DGCR8: variants seen among roughly 807,000 people sequenced by gnomAD.
The protein encoded by DGCR8 is DGCR8 microprocessor complex subunit.
In DGCR8, 14 loss-of-function variants were observed where a neutral mutation model predicts 78.5. The ratio of observed to expected loss-of-function variants is 0.18; its 90% CI spans 0.12 to 0.28. DGCR8 has a LOEUF of 0.28. Ranked by LOEUF, DGCR8 falls within the 10% of genes least tolerant of loss-of-function variation. The probability of loss-of-function intolerance (pLI) is 1.00; values close to 1 mark genes in which losing one functional copy is unlikely to be tolerated. For missense variants in DGCR8, 702 were observed against 1,022.5 expected, an observed-to-expected ratio of 0.69 and a Z score of 4.28; for synonymous variants, 399 against 402.4, an observed-to-expected ratio of 0.99 and a Z score of 0.10.
intron 12 of DGCR8, chr22:20,107,623 A>T: frequency 1.8e-6 from 1 of 566,104 alleles, no homozygotes; most frequent in Non-Finnish European, 3.1e-6. Context: ...GGTGATTGGG[A>T]ACGCAGGCTG....
chr22:20,090,382 A>C (rs1402512551), intron 5 of DGCR8, 124 bp downstream of exon 5: 2 of 1,160,800 alleles, frequency 1.7e-6, no homozygotes, highest in Non-Finnish European at 2.4e-6. Flanking sequence ...GTGCACCTCC[A>C]CTGTTGGTGT....
At chr22:20,105,881 C>T (rs574035481) in intron 9 of DGCR8, among the ~76,000 whole-genome samples, 73 of 152,162 alleles carry the variant, frequency 4.8e-4, no homozygotes, top group Non-Finnish European at 4.1e-4. Context: ...GAATCAGATC[C>T]AAATAAGGTG....
intron 13 of DGCR8, among the ~76,000 whole-genome samples, chr22:20,109,658 G>C (rs757242561): frequency 4.6e-5 from 7 of 152,218 alleles, no homozygotes; most frequent in Non-Finnish European, 1.0e-4. Flanking sequence ...GGCAGCAGGT[G>C]CAGGACATAG....
intron 9 of DGCR8, among the ~76,000 whole-genome samples, chr22:20,103,569 A>G (rs1383275528): frequency 6.6e-6 from 1 of 151,930 alleles, no homozygotes; most frequent in Admixed American, 6.6e-5. Flanking sequence ...GGCATGGTAT[A>G]TGTTCCTTTT....
At chr22:20,080,492 G>A (rs2049404917) in intron 1 of DGCR8, 109 bp downstream of exon 1, 1 of 984,224 alleles carries the variant, frequency 1.0e-6, no homozygotes, top group South Asian at 4.7e-5. Flanking sequence ...GCCGCGGGCG[G>A]GGCGGGGGCG....
At position 20,087,325 on chromosome 22, in the gene DGCR8, C is replaced by T. The variant is rs772899892; in HGVS notation, c.880+4C>T. ...AAGATTAAAACAGTGCTCAAAAGTACGTGTGTGGGTCAGAAGCAGTGGGTG... is the reference window on the plus strand; with the variant it reads ...AAGATTAAAACAGTGCTCAAAAGTATGTGTGTGGGTCAGAAGCAGTGGGTG... On this transcript the variant is annotated splice_donor_region_variant and intron_variant, in intron 3 of 13. Transcript: ENST00000351989. The surrounding 1 kb of genome is among the most constrained non-coding windows in gnomAD (Gnocchi z 4.1). 1.9e-5 allele frequency: 30 copies of T among 1,598,332 alleles called. No individual in the cohort carries two copies. Among genetic ancestry groups the T allele is most frequent in the Non-Finnish European group, 2.4e-5 (28 of 1,168,636 alleles).
chr22:20,099,123 C>T (rs776820535), intron 9 of DGCR8, among the ~76,000 whole-genome samples: 16 of 152,150 alleles, frequency 1.1e-4, no homozygotes, highest in South Asian at 4.1e-4. Context: ...TGGTGTGCTC[C>T]GGTGGCTGCC....
In DGCR8 at chr22:20,090,163, C is replaced by T; in HGVS notation, c.1211C>T (p.Pro404Leu). ...EPDSMGADPGPPDEKDPLGAE... is the reference protein window; with the variant it reads ...EPDSMGADPGLPDEKDPLGAE... ...GACTCTATGGGTGCTGACCCGGGGC[C>T]CCCGGACGAGAAAGACCCACTAGGG... is the stretch of plus-strand genomic sequence containing the variant. The change falls in exon 5 of 14, where the codon CCC (proline) becomes CTC (leucine). Residue 404 changes from proline (P) to leucine (L), a missense_variant. Physicochemically the swap from Pro to Leu is moderately conservative, Grantham distance 98. Coordinates refer to ENST00000351989, the MANE Select transcript of DGCR8 (RefSeq NM_022720.7). 1 of 1,614,226 alleles carries T rather than the reference C, an allele frequency of 6.2e-7. No individual in the cohort carries two copies. The highest frequency in any genetic ancestry group is 8.5e-7 in the Non-Finnish European group (1 of 1,180,034).
At position 20,111,719 on chromosome 22, in the gene DGCR8, CCCCA is replaced by C. The variant is rs1568965971; in HGVS notation, c.*1615_*1618del. 9 of 188,348 alleles carry C rather than the reference CCCCA, an allele frequency of 4.8e-5. No individual in the cohort carries two copies. Among genetic ancestry groups the C allele is most frequent in the South Asian group, 3.8e-4 (1 of 2,608 alleles). The allele number at this position is 188,348 out of a possible 1,614,324, so 11.7% of individuals were successfully genotyped here. On this transcript the variant is annotated 3_prime_UTR_variant, in exon 14 of 14. Coordinates refer to ENST00000351989, the MANE Select transcript of DGCR8 (RefSeq NM_022720.7). The stretch of plus-strand genomic sequence containing the variant: ...TGGTCTCTGTGCGCCCCCCCCCCCC[CCCCA>C]CCCGTCTGCCAAGCATGGGTATGAA...
At chr22:20,107,753 C>T (rs2049787646) in intron 12 of DGCR8, 3 of 306,246 alleles carry the variant, frequency 9.8e-6, no homozygotes, top group East Asian at 7.2e-5. Context: ...GCCAGCTCTC[C>T]CTGCTTGAAG....
At chr22:20,109,053 G>C (rs747918459) in intron 13 of DGCR8, 50 bp downstream of exon 13, 4 of 988,422 alleles carry the variant, frequency 4.0e-6, no homozygotes, top group South Asian at 2.6e-5. Flanking sequence ...CATTCCTGTG[G>C]CACCTGTGGA....
chr22:20,087,900 G>C lies in DGCR8; in HGVS notation c.880+579G>C, dbSNP rs934860356. On this transcript the variant is annotated intron_variant, in intron 3 of 13. Coordinates refer to ENST00000351989, the MANE Select transcript of DGCR8 (RefSeq NM_022720.7). The surrounding 1 kb of genome is among the most constrained non-coding windows in gnomAD (Gnocchi z 4.1). ...GGGGAGAGCACTTGAGAGGCGCCCA[G>C]AGTTGCACTGTGAGGCTCTGTCATC... is the stretch of plus-strand genomic sequence containing the variant. Among the ~76,000 whole-genome samples the C allele has an allele frequency of 2.0e-5, 3 of 152,168 alleles. No individual in the cohort carries two copies. The highest frequency in any genetic ancestry group is 4.4e-5 in the Non-Finnish European group (3 of 68,020).
At chr22:20,097,510 T>A (rs902705259) in intron 9 of DGCR8, among the ~76,000 whole-genome samples, 7 of 152,214 alleles carry the variant, frequency 4.6e-5, no homozygotes, top group African/African-American at 1.7e-4. Context: ...TTCTATATGG[T>A]TGTGATGGTC....
intron 8 of DGCR8, among the ~76,000 whole-genome samples, 179 bp from the exon 9 acceptor site, chr22:20,094,534 C>T (rs1380283384): frequency 1.3e-5 from 2 of 152,230 alleles, no homozygotes; most frequent in African/African-American, 2.4e-5. Flanking sequence ...GCCTGCCACA[C>T]GTCTGGGCTT....
chr22:20,104,461 C>A (rs899152552), intron 9 of DGCR8, among the ~76,000 whole-genome samples: 14 of 152,172 alleles, frequency 9.2e-5, no homozygotes, highest in African/African-American at 3.4e-4. Flanking sequence ...GCCACCGCGC[C>A]CGGCTGGCGT....
At chr22:20,081,372 C>T (rs1018457986) in intron 1 of DGCR8, among the ~76,000 whole-genome samples, 2 of 152,218 alleles carry the variant, frequency 1.3e-5, no homozygotes, top group African/African-American at 4.8e-5. Flanking sequence ...TGCCAAGGGT[C>T]CAGGGGAGCT....
rs139011528 is a variant in DGCR8, at chr22:20,110,081, T to C, written c.2295T>C (p.Gly765=). 70 of 1,612,034 alleles carry C rather than the reference T, an allele frequency of 4.3e-5. 1 individual carries two copies. In the African/African-American group the frequency reaches 7.5e-4, roughly 17 times the overall value. The part of the protein sequence containing the change: ...MSIVASAQPG[G]EPLCTVDV ...TTGTGGCGTCCGCCCAGCCTGGCGGTGAGCCCCTGTGCACCGTGGACGTGT... is the reference window on the plus strand; with the variant it reads ...TTGTGGCGTCCGCCCAGCCTGGCGGCGAGCCCCTGTGCACCGTGGACGTGT... Residue 765 remains glycine, a synonymous_variant, in exon 14 of 14, where the codon GGT becomes GGC. Coordinates refer to ENST00000351989, the MANE Select transcript of DGCR8 (RefSeq NM_022720.7).
Position 20,087,447 on chromosome 22 carries a change from C to A in DGCR8, c.880+126C>A. ...GGCTGGGTGGAGGCATGTTTGAGGA[C>A]AGGACAGAAATATCTGAGGAGGGAA... On this transcript the variant is annotated intron_variant, in intron 3 of 13. Transcript: ENST00000351989. The surrounding 1 kb of genome is among the most constrained non-coding windows in gnomAD (Gnocchi z 4.1). 1 of 1,110,440 alleles carries A rather than the reference C, an allele frequency of 9.0e-7. No homozygotes were observed. Among genetic ancestry groups the A allele is most frequent in the Non-Finnish European group, 1.3e-6 (1 of 792,812 alleles). The allele number at this position is 1,110,440 out of a possible 1,614,324, so 68.8% of individuals were successfully genotyped here.
Position 20,111,156 on chromosome 22 carries a change from C to CGA in DGCR8, c.*1049_*1050dup. ...GCTGCCTGGTGCCCAGCTTGCTTCT[C>CGA]GACTGGTGGCCCCTATGGGTGGGTG... On this transcript the variant is annotated 3_prime_UTR_variant, in exon 14 of 14. Transcript: ENST00000351989. 2 of 398,656 alleles carry CGA rather than the reference C, an allele frequency of 5.0e-6. No homozygotes were observed. The highest frequency in any genetic ancestry group is 4.4e-6 in the Non-Finnish European group (1 of 226,006). 24.7% of individuals were successfully genotyped at this position (398,656 alleles called of 1,614,324 possible).
Sources: gnomAD v4.1 joint callset for allele counts (sites outside exome capture counted in the v4.1 genomes callset) on GRCh38, gnomAD v4.1.1 for gene constraint, Gnocchi (gnomAD v3.1) non-coding constraint, MANE v1.5 for transcripts, NCBI Gene and HGNC (gene_info 2026-07-23, HGNC 2026-07-21) for gene names.